The following MYO16 variants were observed in gnomAD, a reference collection of about 807,000 sequenced individuals.
MYO16 encodes the protein unconventional myosin-XVI.
Under a neutral mutation model 205.3 loss-of-function variants are expected in MYO16, and 94 were observed. The ratio of observed to expected loss-of-function variants is 0.46; its 90% confidence interval spans 0.39 to 0.54. The LOEUF is 0.54. Among genes scored for constraint, MYO16 ranks in the 20% least tolerant of loss-of-function variants. MYO16 has a pLI of 0.00. For synonymous variants in MYO16, 988 were observed against 954.0 expected (o/e 1.04, Z -0.66); for missense variants, 2,315 against 2,387.5 (o/e 0.97, Z 0.63).
At chr13:108,610,518 C>G (rs1378637744) in intron 1 of MYO16, among the ~76,000 whole-genome samples, 1 of 152,132 alleles carries the variant, frequency 6.6e-6, no homozygotes, top group Non-Finnish European at 1.5e-5. Flanking sequence ...GGCCCCTGCC[C>G]TTGTTTATGA....
the MYO16 span, among the ~76,000 whole-genome samples, chr13:108,548,246 G>A: frequency 1.3e-5 from 2 of 149,060 alleles, no homozygotes; most frequent in Admixed American, 6.7e-5. Flanking sequence ...GGTGGTGGTG[G>A]CAGTGGTGGT....
chr13:108,500,216 TTTTTGTTTTTTTTTTGTTTTTTTTG>T, the MYO16 span, among the ~76,000 whole-genome samples: 683 of 6,552 alleles, frequency 0.1, 157 homozygotes, highest in African/African-American at 0.13. Context: ...GTTTTTTTTT[TTTTTGTTTTTTTTTTGTTTTTTTTG>T]TTTTTTTTTT....
intron 2 of MYO16, among the ~76,000 whole-genome samples, chr13:108,681,173 CAT>C (rs1491501581): frequency 2.1e-4 from 32 of 152,316 alleles, no homozygotes; most frequent in Admixed American, 1.1e-3. Flanking sequence ...CTCTTTCCCA[CAT>C]GTGTGTGTGT....
chr13:108,517,969 G>A, the MYO16 span, among the ~76,000 whole-genome samples: 1 of 152,148 alleles, frequency 6.6e-6, no homozygotes, highest in Non-Finnish European at 1.5e-5. Flanking sequence ...CTTCATGAGG[G>A]TGGAACCCTC....
chr13:109,053,431 A>AC (rs1045413036), intron 25 of MYO16, among the ~76,000 whole-genome samples: 9 of 151,898 alleles, frequency 5.9e-5, no homozygotes, highest in African/African-American at 2.2e-4. Flanking sequence ...AGAAAATGGC[A>AC]TTTTTTACAT....
chr13:109,056,182 CT>C (rs1158488219), intron 27 of MYO16: 1 of 153,142 alleles, frequency 6.5e-6, no homozygotes. Context: ...GTTTGTTGAC[CT>C]CTGTTTTCAG....
At chr13:108,544,747 C>T in the MYO16 span, among the ~76,000 whole-genome samples, 2 of 152,214 alleles carry the variant, frequency 1.3e-5, no homozygotes, top group East Asian at 3.9e-4. Flanking sequence ...CCTACCCCAC[C>T]AGCATTCTTC....
intron 32 of MYO16, among the ~76,000 whole-genome samples, chr13:109,145,698 C>G (rs886819038): frequency 6.6e-6 from 1 of 152,198 alleles, no homozygotes; most frequent in African/African-American, 2.4e-5. Context: ...CTATGAGACC[C>G]GATTCAAATG....
chr13:109,089,188 C>CATTATTATTATTATT lies in MYO16; in HGVS notation c.3336-11584_3336-11570dup, dbSNP rs34430414. Among the ~76,000 whole-genome samples, 1,349 of 147,840 alleles carry CATTATTATTATTATT rather than the reference C, an allele frequency of 9.1e-3. 4 individuals carry two copies. The highest frequency in any genetic ancestry group is 0.039 in the Middle Eastern group (11 of 282). On this transcript the variant is annotated intron_variant, in intron 27 of 34. Transcript: ENST00000457511. The stretch of plus-strand genomic sequence containing the variant: ...AGAGTCTTGCCTTTTTTGTTTTCTG[C>CATTATTATTATTATT]ATTATTATTATTATTATTATTATTA...
intron 2 of MYO16, among the ~76,000 whole-genome samples, chr13:108,694,692 A>G (rs1461647170): frequency 7.2e-5 from 11 of 152,108 alleles, no homozygotes; most frequent in Non-Finnish European, 1.5e-4. Flanking sequence ...ATGTCCTTTA[A>G]TGCACATTTT....
intron 14 of MYO16, among the ~76,000 whole-genome samples, chr13:108,891,679 G>T (rs1374316977): frequency 5.3e-5 from 8 of 152,200 alleles, no homozygotes; most frequent in Non-Finnish European, 1.2e-4. Context: ...ATGCTGACAT[G>T]TGTCTGGCCG....
At position 108,669,014 on chromosome 13, in the gene MYO16, C is replaced by A. The variant is rs149946988; in HGVS notation, c.292+2865C>A. ...AGGAGTTGTGAATGAGATGGGGTGG[C>A]ATCCTGGCTGGAGACGTAAATTGAA... On this transcript the variant is annotated intron_variant, in intron 2 of 34. Coordinates refer to ENST00000457511, the MANE Select transcript of MYO16 (RefSeq NM_001198950.3). 3.1e-3 allele frequency among the ~76,000 whole-genome samples: 464 copies of A among 152,072 alleles called. 1 individual carries two copies. Among genetic ancestry groups the A allele is most frequent in the African/African-American group, 0.011 (445 of 41,510 alleles).
intron 1 of MYO16, among the ~76,000 whole-genome samples, chr13:108,644,368 C>CTA (rs1880647017): frequency 2.3e-5 from 1 of 43,962 alleles, no homozygotes; most frequent in African/African-American, 7.5e-5. Context: ...GTCTGTCTAT[C>CTA]TATCTATCTA....
chr13:108,976,438 CG>C (rs1884260227), intron 20 of MYO16, among the ~76,000 whole-genome samples: 1 of 152,060 alleles, frequency 6.6e-6, no homozygotes, highest in East Asian at 1.9e-4. Context: ...TAAAACCAAA[CG>C]TTTTTTATGT....
At chr13:108,949,142 T>C (rs557578903) in intron 16 of MYO16, among the ~76,000 whole-genome samples, 2 of 152,342 alleles carry the variant, frequency 1.3e-5, no homozygotes, top group South Asian at 4.1e-4. Context: ...ATTCATCTGG[T>C]TTGCCACTGT....
At chr13:109,077,803 T>C (rs981127169) in intron 27 of MYO16, among the ~76,000 whole-genome samples, 1 of 152,222 alleles carries the variant, frequency 6.6e-6, no homozygotes, top group Non-Finnish European at 1.5e-5. Context: ...TTCATCAGGC[T>C]TCTTGGATCT....
chr13:108,910,266 T>A, intron 16 of MYO16, 116 bp downstream of exon 16: 4 of 1,123,322 alleles, frequency 3.6e-6, no homozygotes, highest in Non-Finnish European at 3.8e-6. Context: ...AAAAGATAAC[T>A]GTTGGATACT....
chr13:108,892,782 T>C (rs1238144484), intron 14 of MYO16, among the ~76,000 whole-genome samples: 4 of 152,224 alleles, frequency 2.6e-5, no homozygotes, highest in African/African-American at 9.6e-5. Context: ...AAAATGATCA[T>C]CTGGGAGACA....
the MYO16 span, among the ~76,000 whole-genome samples, chr13:108,537,476 CTT>C: frequency 6.6e-6 from 1 of 152,142 alleles, no homozygotes; most frequent in Non-Finnish European, 1.5e-5. Context: ...CTATAGGTGT[CTT>C]TTTGATATAA....
Sources: allele counts gnomAD v4.1 joint callset (sites outside exome capture counted in the v4.1 genomes callset), GRCh38; gene constraint gnomAD v4.1.1; transcripts MANE v1.5; gene names NCBI Gene and HGNC (gene_info 2026-07-23, HGNC 2026-07-21).